The following GCNT1 variants were observed in gnomAD, a reference collection of about 807,000 sequenced individuals.
The protein encoded by GCNT1 is glucosaminyl (N-acetyl) transferase 1.
Under a neutral mutation model 26.2 loss-of-function variants are expected in GCNT1, and 16 were observed. That is an observed-to-expected ratio of 0.61 (90% CI 0.41 to 0.93). The LOEUF (loss-of-function observed/expected upper bound fraction) is 0.93. Ranked by LOEUF, GCNT1 falls within the 40% of genes least tolerant of loss-of-function variation. GCNT1 has a pLI of 0.00. For missense variants in GCNT1, 477 were observed against 526.7 expected (o/e 0.91, Z 0.92); for synonymous variants, 183 against 190.8 (o/e 0.96, Z 0.34).
chr9:76,471,198 G>C (rs929042102), intron 2 of GCNT1, among the ~76,000 whole-genome samples: 1 of 152,128 alleles, frequency 6.6e-6, no homozygotes, highest in African/African-American at 2.4e-5. Context: ...GCTGATTTTT[G>C]TATTTTTAGT....
chr9:76,409,761 C>T, the GCNT1 span, among the ~76,000 whole-genome samples: 1 of 151,968 alleles, frequency 6.6e-6, no homozygotes, highest in Admixed American at 6.6e-5. Flanking sequence ...TTATTGATTT[C>T]TGGTCTAATT....
intron 2 of GCNT1, among the ~76,000 whole-genome samples, chr9:76,491,032 G>T (rs1824720091): frequency 6.6e-6 from 1 of 152,236 alleles, no homozygotes; most frequent in South Asian, 2.1e-4. Context: ...TCAATTATAG[G>T]TTTTTAATTT....
At chr9:76,461,261 C>G (rs142067020) in intron 2 of GCNT1, among the ~76,000 whole-genome samples, 32 of 149,306 alleles carry the variant, frequency 2.1e-4, no homozygotes, top group African/African-American at 7.7e-4. Context: ...AAATGTAAAG[C>G]CTGATTTTAA....
chr9:76,466,283 A>T (rs192943410), intron 2 of GCNT1, among the ~76,000 whole-genome samples: 2 of 152,248 alleles, frequency 1.3e-5, no homozygotes, highest in Admixed American at 1.3e-4. Flanking sequence ...AAATTTAAAC[A>T]TGCTCTAATG....
At chr9:76,441,948 G>C (rs969543861) in exon 1 of GCNT1, 2 of 152,228 alleles carry the variant, frequency 1.3e-5, no homozygotes, top group Non-Finnish European at 2.9e-5. Context: ...GATTTAAAAA[G>C]AAAGACTGAC....
intron 2 of GCNT1, among the ~76,000 whole-genome samples, chr9:76,462,142 T>C (rs889698130): frequency 5.6e-5 from 4 of 70,914 alleles, no homozygotes; most frequent in Admixed American, 1.1e-4. Context: ...AGCTATACTG[T>C]ATTTTTTTTT....
intron 1 of GCNT1, among the ~76,000 whole-genome samples, chr9:76,443,816 G>C (rs551682700): frequency 1.3e-5 from 2 of 151,996 alleles, no homozygotes; most frequent in African/African-American, 4.8e-5. Context: ...GGGAGGCGGA[G>C]GTTTCAGTGA....
intron 2 of GCNT1, among the ~76,000 whole-genome samples, chr9:76,484,392 A>G (rs1018544287): frequency 3.3e-5 from 5 of 152,038 alleles, no homozygotes; most frequent in Non-Finnish European, 7.4e-5. Context: ...AAGAGAGAGA[A>G]AGCAAAAAAC....
chr9:76,428,272 AAAAAAAAAAAAAAAAAACTT>A (rs1413734761), intron 1 of GCNT1, among the ~76,000 whole-genome samples: 16 of 140,116 alleles, frequency 1.1e-4, no homozygotes, highest in Non-Finnish European at 2.2e-4. Flanking sequence ...TCTCAAAAAA[AAAAAAAAAAAAAAAAAACTT>A]AAAAAAAAAA....
the GCNT1 span, among the ~76,000 whole-genome samples, chr9:76,410,223 G>A: frequency 1.3e-5 from 2 of 152,110 alleles, no homozygotes; most frequent in East Asian, 3.8e-4. Context: ...CCAGAGGTCA[G>A]GAGTTGGAGA....
intron 1 of GCNT1, among the ~76,000 whole-genome samples, chr9:76,450,136 A>G (rs1371256527): frequency 1.3e-5 from 2 of 152,300 alleles, no homozygotes; most frequent in South Asian, 2.1e-4. Context: ...CTGTCTGGCA[A>G]TAATTTAATT....
At chr9:76,396,978 A>G in the GCNT1 span, among the ~76,000 whole-genome samples, 1 of 150,634 alleles carries the variant, frequency 6.6e-6, no homozygotes, top group Non-Finnish European at 1.5e-5. Context: ...AAAGCAAGAC[A>G]CGGTCACTAA....
intron 1 of GCNT1, among the ~76,000 whole-genome samples, chr9:76,444,299 A>C (rs1487185708): frequency 6.6e-6 from 1 of 152,200 alleles, no homozygotes; most frequent in Non-Finnish European, 1.5e-5. Flanking sequence ...TGTCGAGGTT[A>C]AATCTAGATG....
chr9:76,497,016 T>TC (rs1193423519), intron 2 of GCNT1, among the ~76,000 whole-genome samples: 1 of 152,204 alleles, frequency 6.6e-6, no homozygotes, highest in Admixed American at 6.6e-5. Context: ...CTTGAGTTTT[T>TC]CTTGCTTTCC....
intron 2 of GCNT1, among the ~76,000 whole-genome samples, chr9:76,483,392 A>C (rs778180404): frequency 7.1e-6 from 1 of 141,108 alleles, no homozygotes; most frequent in Non-Finnish European, 1.6e-5. Flanking sequence ...TCTTTCTACT[A>C]TTAAGGAGGG....
chr9:76,458,339 C>G (rs1018991195), upstream of GCNT1, among the ~76,000 whole-genome samples: 2 of 151,886 alleles, frequency 1.3e-5, no homozygotes, highest in African/African-American at 4.8e-5. Flanking sequence ...CCCGCCACCA[C>G]GCCTGGCTAA....
At chr9:76,430,436 C>T (rs1244736927) in intron 1 of GCNT1, among the ~76,000 whole-genome samples, 4 of 151,914 alleles carry the variant, frequency 2.6e-5, no homozygotes, top group African/African-American at 9.7e-5. Context: ...GGCTGGAGTG[C>T]AGTAGTGGGA....
intron 1 of GCNT1, among the ~76,000 whole-genome samples, chr9:76,431,869 C>A (rs1259073979): frequency 1.3e-5 from 2 of 152,064 alleles, no homozygotes; most frequent in Non-Finnish European, 2.9e-5. Context: ...CTGCACTTTG[C>A]GAGGCGAGGT....
rs148200164 is a variant in GCNT1, at chr9:76,422,538, T to C, written n.38+2651T>C. Among the ~76,000 whole-genome samples the C allele has an allele frequency of 2.0e-5, 3 of 152,252 alleles. No homozygotes were observed. The East Asian group carries it at 5.8e-4, about 29-fold the overall frequency. ...TATACAACCATTCTGGTGTTTTTTGTTTTCATTTTGTTTTGGTTTTTTTGA... is the reference window on the plus strand; with the variant it reads ...TATACAACCATTCTGGTGTTTTTTGCTTTCATTTTGTTTTGGTTTTTTTGA... On this transcript the variant is annotated intron_variant and non_coding_transcript_variant, in intron 1 of 3. Coordinates refer to the GCNT1 transcript ENST00000488136.
Sources: gnomAD v4.1 joint callset for allele counts (sites outside exome capture counted in the v4.1 genomes callset) on GRCh38, gnomAD v4.1.1 for gene constraint, MANE v1.5 for transcripts, NCBI Gene and HGNC (gene_info 2026-07-23, HGNC 2026-07-21) for gene names.